The following DNAH11 variants were observed in gnomAD, a reference collection of about 807,000 sequenced individuals.
The protein encoded by DNAH11 is dynein axonemal heavy chain 11.
DNAH11 carries 442 observed loss-of-function variants against 526.0 expected under a neutral mutation model. The ratio of observed to expected loss-of-function variants is 0.84; its 90% CI spans 0.78 to 0.91. The LOEUF (loss-of-function observed/expected upper bound fraction) is 0.91. Among genes scored for constraint, DNAH11 ranks in the 40% least tolerant of loss-of-function variants. DNAH11 has a pLI of 0.00. For synonymous variants in DNAH11, 2,461 were observed against 1,935.9 expected, an observed-to-expected ratio of 1.27 and a Z score of -7.12; for missense variants, 6,989 against 5,448.7, an observed-to-expected ratio of 1.28 and a Z score of -8.90.
At chr7:21,642,251 T>G (rs1167257153) in intron 28 of DNAH11, among the ~76,000 whole-genome samples, 1 of 128,492 alleles carries the variant, frequency 7.8e-6, no homozygotes, top group Admixed American at 7.9e-5. Flanking sequence ...TTACTAAAGG[T>G]CTATCATTAG....
chr7:21,593,357 T>G (rs1784758625), intron 14 of DNAH11, among the ~76,000 whole-genome samples: 1 of 152,070 alleles, frequency 6.6e-6, no homozygotes, highest in Non-Finnish European at 1.5e-5. Context: ...GGGAGTGGGC[T>G]GATGAGAGAA....
chr7:21,831,708 T>A (rs1386103309), intron 65 of DNAH11, among the ~76,000 whole-genome samples: 1 of 152,162 alleles, frequency 6.6e-6, no homozygotes, highest in African/African-American at 2.4e-5. Flanking sequence ...TATACATAGA[T>A]ATGCAAGAGA....
At position 21,901,344 on chromosome 7, in the gene DNAH11, CTTTTTAGTAACTCACACGTGCATT is replaced by C; in HGVS notation, c.*91_*114del. 7.2e-7 allele frequency: 1 copy of C among 1,384,736 alleles called. No individual in the cohort carries two copies. Among genetic ancestry groups the C allele is most frequent in the South Asian group, 2.1e-5 (1 of 47,684 alleles). The allele number at this position is 1,384,736 out of a possible 1,614,324, so 85.8% of individuals were successfully genotyped here. On this transcript the variant is annotated 3_prime_UTR_variant, in exon 82 of 82. Coordinates refer to ENST00000409508, the MANE Select transcript of DNAH11 (RefSeq NM_001277115.2). Reference sequence around the variant, plus strand: ...ACTGTTCCCATGCACATTATTCTAACTTTTTAGTAACTCACACGTGCATTCTTTTTTCAACGCTATCCTTAGAGT... The same window carrying C: ...ACTGTTCCCATGCACATTATTCTAACCTTTTTTCAACGCTATCCTTAGAGT...
chr7:21,861,015 A>G (rs1783044256), intron 68 of DNAH11, among the ~76,000 whole-genome samples: 1 of 152,344 alleles, frequency 6.6e-6, no homozygotes, highest in African/African-American at 2.4e-5. Flanking sequence ...TGCCTCCCAC[A>G]ACACATGGGA....
chr7:21,814,264 G>A (rs1224501674), intron 63 of DNAH11, among the ~76,000 whole-genome samples: 1 of 152,092 alleles, frequency 6.6e-6, no homozygotes, highest in Non-Finnish European at 1.5e-5. Context: ...TGAATGTGAA[G>A]GCCTAGGACA....
intron 30 of DNAH11, among the ~76,000 whole-genome samples, chr7:21,674,311 C>T (rs1782773529): frequency 6.6e-6 from 1 of 152,094 alleles, no homozygotes; most frequent in Admixed American, 6.6e-5. Flanking sequence ...CCACCCTGGC[C>T]TCCCAAAGTT....
intron 2 of DNAH11, among the ~76,000 whole-genome samples, chr7:21,550,463 G>A (rs943980954): frequency 6.6e-6 from 1 of 152,144 alleles, no homozygotes; most frequent in African/African-American, 2.4e-5. Context: ...CCCAAATATA[G>A]GATCTCATAT....
At chr7:21,596,917 T>G (rs966156187) in intron 14 of DNAH11, among the ~76,000 whole-genome samples, 1 of 152,242 alleles carries the variant, frequency 6.6e-6, no homozygotes, top group Non-Finnish European at 1.5e-5. Context: ...TTTTAAGTGA[T>G]TATTTTCCTC....
At chr7:21,880,975 T>C in intron 75 of DNAH11, 82 bp downstream of exon 75, 3 of 1,295,026 alleles carry the variant, frequency 2.3e-6, no homozygotes, top group Non-Finnish European at 3.1e-6. Context: ...TTGACCATAA[T>C]TTCTCTTTTG....
At chr7:21,694,727 G>A (rs1583601275) in intron 35 of DNAH11, among the ~76,000 whole-genome samples, 1 of 152,172 alleles carries the variant, frequency 6.6e-6, no homozygotes, top group Non-Finnish European at 1.5e-5. Context: ...TAATGGGATT[G>A]CTGGGTCAAA....
intron 36 of DNAH11, 52 bp from the exon 37 acceptor site, chr7:21,702,658 A>T (rs1784113554): frequency 6.7e-7 from 1 of 1,501,058 alleles, no homozygotes; most frequent in Admixed American, 1.8e-5. Context: ...CTGGAATGAG[A>T]ATCTTCTTCC....
chr7:21,869,547 A>T (rs561614580), intron 73 of DNAH11, among the ~76,000 whole-genome samples: 64 of 152,028 alleles, frequency 4.2e-4, no homozygotes, highest in Non-Finnish European at 7.4e-4. Context: ...ACACACCCCA[A>T]CCTCACAGAT....
intron 1 of DNAH11, chr7:21,543,925 A>G: frequency 2.8e-6 from 1 of 360,960 alleles, no homozygotes; most frequent in Non-Finnish European, 5.0e-6. Flanking sequence ...GTGCCAAAAA[A>G]CTTGCGTTTC....
At chr7:21,558,708 T>C in intron 2 of DNAH11, 94 bp from the exon 3 acceptor site, 1 of 866,152 alleles carries the variant, frequency 1.2e-6, no homozygotes, top group South Asian at 1.8e-5. Context: ...ATTTATGAAA[T>C]TGGACAGTTT....
intron 25 of DNAH11, among the ~76,000 whole-genome samples, chr7:21,622,069 C>A (rs1211362266): frequency 6.6e-6 from 1 of 151,926 alleles, no homozygotes; most frequent in Admixed American, 6.6e-5. Flanking sequence ...TCTAGAAAAC[C>A]CCATTGTCTC....
rs974291278 is a variant in DNAH11, at chr7:21,795,304, C to T, written c.10027-5833C>T. Reference sequence around the variant, plus strand: ...AGTGGGTACTGACCTTTGCTGTGTACTAATACTGAAAGCTATTTGGGATCT... The same window carrying T: ...AGTGGGTACTGACCTTTGCTGTGTATTAATACTGAAAGCTATTTGGGATCT... On this transcript the variant is annotated intron_variant, in intron 61 of 81. Transcript: ENST00000409508. Among the ~76,000 whole-genome samples the T allele has an allele frequency of 5.9e-5, 9 of 152,192 alleles. No individual in the cohort carries two copies. In the South Asian group the frequency reaches 8.3e-4, roughly 14 times the overall value.
intron 25 of DNAH11, among the ~76,000 whole-genome samples, chr7:21,635,372 G>C (rs759185559): frequency 3.3e-5 from 5 of 152,132 alleles, no homozygotes; most frequent in Non-Finnish European, 5.9e-5. Context: ...TAGCCAGGTT[G>C]GTCTCAATCT....
intron 80 of DNAH11, 36 bp from the exon 81 acceptor site, chr7:21,899,944 C>T (rs1277123549): frequency 6.2e-7 from 1 of 1,610,552 alleles, no homozygotes; most frequent in Admixed American, 1.7e-5. Flanking sequence ...ACATGCAACA[C>T]TTTTATCCTA....
At chr7:21,676,462 A>G (rs1782890493) in intron 30 of DNAH11, among the ~76,000 whole-genome samples, 1 of 152,224 alleles carries the variant, frequency 6.6e-6, no homozygotes, top group Non-Finnish European at 1.5e-5. Context: ...AATAATAGAC[A>G]TTTTATAACT....
Sources: allele counts gnomAD v4.1 joint callset (sites outside exome capture counted in the v4.1 genomes callset), GRCh38; gene constraint gnomAD v4.1.1; transcripts MANE v1.5; gene names NCBI Gene and HGNC (gene_info 2026-07-23, HGNC 2026-07-21).